The following RUVBL2 variants were observed in gnomAD, a reference collection of about 807,000 sequenced individuals.
The protein encoded by RUVBL2 is RuvB like AAA ATPase 2.
In RUVBL2, 9 loss-of-function variants were observed where a neutral mutation model predicts 57.9. The ratio of observed to expected loss-of-function variants is 0.16; its 90% confidence interval spans 0.09 to 0.27. RUVBL2 has a LOEUF of 0.27. RUVBL2 is among the 10% of genes least tolerant of loss of function. The pLI is 1.00. For synonymous variants in RUVBL2, 278 were observed against 264.6 expected (o/e 1.05, Z -0.49); for missense variants, 456 against 669.6 (o/e 0.68, Z 3.52).
In RUVBL2 at chr19:49,011,901, T is replaced by C. The variant is rs1168113930; in HGVS notation, c.1001+591T>C. Among the ~76,000 whole-genome samples, 1 of 151,698 alleles carries C rather than the reference T, an allele frequency of 6.6e-6. No homozygotes were observed. The highest frequency in any genetic ancestry group is 1.5e-5 in the Non-Finnish European group (1 of 67,858). On this transcript the variant is annotated intron_variant, in intron 11 of 14. Transcript: ENST00000595090. The surrounding 1 kb of genome is among the most constrained non-coding windows in gnomAD (Gnocchi z 4.4). ...TGACACAGAGGGTACTGTGCTGTGC[T>C]GAAGCCTGGGAACCTCGTCTCCCAG...
rs2039295845 is a variant in RUVBL2, at chr19:49,007,076, C to T, written c.324C>T (p.Ile108=). The part of the protein sequence containing the change: ...TPFTAIAGSE[I]FSLEMSKTEA... ...TCACAGCCATCGCCGGCAGTGAAAT[C>T]TTCTCCCTGGAGATGAGCAAGACCG... The change falls in exon 5 of 15, where the codon ATC becomes ATT. Residue 108 remains isoleucine, a synonymous_variant. Coordinates refer to ENST00000595090, the MANE Select transcript of RUVBL2 (RefSeq NM_006666.3). The T allele has an allele frequency of 6.2e-7, 1 of 1,613,152 alleles. No individual in the cohort carries two copies. The highest frequency in any genetic ancestry group is 1.1e-5 in the South Asian group (1 of 91,092).
intron 1 of RUVBL2, chr19:48,994,270 C>A (rs955554452): frequency 3.1e-6 from 1 of 321,868 alleles, no homozygotes; most frequent in Admixed American, 4.4e-5. Flanking sequence ...CCTTGCGCTT[C>A]GAGCCATTTG....
intron 2 of RUVBL2, among the ~76,000 whole-genome samples, chr19:49,000,895 C>T (rs1383482899): frequency 6.6e-6 from 1 of 151,714 alleles, no homozygotes; most frequent in Non-Finnish European, 1.5e-5. Flanking sequence ...TGATGGGTCA[C>T]GCCTGTAATC....
chr19:49,006,880 C>T (rs2039291005), intron 4 of RUVBL2, 138 bp from the exon 5 acceptor site: 9 of 1,145,096 alleles, frequency 7.9e-6, no homozygotes, highest in Non-Finnish European at 1.2e-6. Flanking sequence ...CTCTGCTCAG[C>T]TCGGAGCCAA....
intron 2 of RUVBL2, 41 bp from the exon 3 acceptor site, chr19:49,003,238 G>A (rs374281261): frequency 1.4e-6 from 2 of 1,470,100 alleles, no homozygotes; most frequent in Admixed American, 1.8e-5. Flanking sequence ...TGTGCAGCAA[G>A]CTGGCTAGTA....
intron 6 of RUVBL2, among the ~76,000 whole-genome samples, chr19:49,009,160 CAAAAAAAAAAAAAAAAA>C (rs61402282): frequency 0.029 from 623 of 21,404 alleles, 14 homozygotes; most frequent in Middle Eastern, 0.1. Flanking sequence ...GACTCTATCT[CAAAAAAAAAAAAAAAAA>C]AAAAAAAAAA....
upstream of RUVBL2, chr19:48,993,484 G>C (rs970153522): frequency 2.3e-6 from 1 of 428,040 alleles, no homozygotes. Context: ...GACCTCCAGG[G>C]GGCGGAGCTT....
chr19:48,996,807 G>A (rs190037770), intron 1 of RUVBL2, among the ~76,000 whole-genome samples: 4 of 152,024 alleles, frequency 2.6e-5, no homozygotes, highest in East Asian at 1.9e-4. Context: ...GATTACGGGC[G>A]TGAGCCACCG....
At chr19:48,996,200 G>A (rs949476307) in intron 1 of RUVBL2, among the ~76,000 whole-genome samples, 6 of 151,832 alleles carry the variant, frequency 4.0e-5, no homozygotes, top group Non-Finnish European at 7.4e-5. Flanking sequence ...GGGGATGGGT[G>A]GCCTCGGTTA....
intron 1 of RUVBL2, among the ~76,000 whole-genome samples, chr19:48,996,502 CTGTGTGTGTGTGTGTGTGTGTG>C (rs72341497): frequency 2.2e-5 from 3 of 138,148 alleles, no homozygotes; most frequent in South Asian, 2.4e-4. Context: ...ATTTTTGTAT[CTGTGTGTGTGTGTGTGTGTGTG>C]TGTGTGTGTG....
Position 49,010,476 on chromosome 19 carries a change from C to A in RUVBL2, c.664-12C>A. On this transcript the variant is annotated splice_polypyrimidine_tract_variant and intron_variant, in intron 8 of 14. Transcript: ENST00000595090. ...CTGTCTCCGCCGTTCTTCCCCCACC[C>A]CCGCCCCATAGACCAAGTTCGTGCA... The A allele has an allele frequency of 4.5e-6, 7 of 1,563,222 alleles. No homozygotes were observed. Among genetic ancestry groups the A allele is most frequent in the South Asian group, 2.2e-5 (2 of 89,798 alleles).
chr19:49,010,762 G>C, intron 9 of RUVBL2, 151 bp downstream of exon 9: 2 of 1,160,156 alleles, frequency 1.7e-6, no homozygotes, highest in South Asian at 3.0e-5. Flanking sequence ...TTCTCCACCT[G>C]CAAGTCCGCT....
At position 49,010,070 on chromosome 19, in the gene RUVBL2, C is replaced by G; in HGVS notation, c.663+4C>G. ...CTACGACGCTATGGGCTCCCAGGTGCGGCCGGGACTCCCGGGATCCCCTCG... is the reference window on the plus strand; with the variant it reads ...CTACGACGCTATGGGCTCCCAGGTGGGGCCGGGACTCCCGGGATCCCCTCG... On this transcript the variant is annotated splice_donor_region_variant and intron_variant, in intron 8 of 14. Coordinates refer to ENST00000595090, the MANE Select transcript of RUVBL2 (RefSeq NM_006666.3). 1 of 1,603,562 alleles carries G rather than the reference C, an allele frequency of 6.2e-7. No individual in the cohort carries two copies. The highest frequency in any genetic ancestry group is 8.5e-7 in the Non-Finnish European group (1 of 1,175,760).
At chr19:48,999,159 G>C in intron 1 of RUVBL2, 160 bp from the exon 2 acceptor site, 1 of 759,670 alleles carries the variant, frequency 1.3e-6, no homozygotes, top group Admixed American at 1.9e-5. Flanking sequence ...CCAGCCATTA[G>C]GCAGTGACAG....
At position 49,011,195 on chromosome 19, in the gene RUVBL2, C is replaced by T; in HGVS notation, c.886C>T (p.Leu296=). Residue 296 remains leucine, a synonymous_variant, in exon 11 of 15, where the codon CTG becomes TTG. Transcript: ENST00000595090. The surrounding 1 kb of genome is among the most constrained non-coding windows in gnomAD (Gnocchi z 4.4). ...EGKAEIIPGV[L]FIDEVHMLDI... ...CTCACACACACCCCAATCCAAGGTG[C>T]TGTTCATCGACGAGGTCCACATGCT... 11 of 1,613,804 alleles carry T rather than the reference C, an allele frequency of 6.8e-6. No homozygotes were observed. The highest frequency in any genetic ancestry group is 9.3e-6 in the Non-Finnish European group (11 of 1,179,932).
At chr19:49,012,702 C>A (rs1350660935) in intron 11 of RUVBL2, among the ~76,000 whole-genome samples, 1 of 152,352 alleles carries the variant, frequency 6.6e-6, no homozygotes, top group East Asian at 1.9e-4. Context: ...TCCCTTAGCG[C>A]TCATGCTGTA....
chr19:49,006,881 T>G, intron 4 of RUVBL2, 137 bp from the exon 5 acceptor site: 1 of 1,156,786 alleles, frequency 8.6e-7, no homozygotes, highest in Non-Finnish European at 1.2e-6. Context: ...TCTGCTCAGC[T>G]CGGAGCCAAG....
chr19:48,997,207 T>C (rs2039079544), intron 1 of RUVBL2, among the ~76,000 whole-genome samples: 1 of 152,242 alleles, frequency 6.6e-6, no homozygotes. Flanking sequence ...TTTCTCTGTA[T>C]ATGGATTTGC....
chr19:49,008,461 C>A (rs965632839), intron 6 of RUVBL2, among the ~76,000 whole-genome samples: 1 of 150,176 alleles, frequency 6.7e-6, no homozygotes, highest in Non-Finnish European at 1.5e-5. Context: ...ATCTCCTGAC[C>A]TTGTGATCTG....
Sources: gnomAD v4.1 joint callset for allele counts (sites outside exome capture counted in the v4.1 genomes callset) on GRCh38, gnomAD v4.1.1 for gene constraint, Gnocchi (gnomAD v3.1) non-coding constraint, MANE v1.5 for transcripts, NCBI Gene and HGNC (gene_info 2026-07-23, HGNC 2026-07-21) for gene names.